Variants in IQANK1 observed in about 807,000 individuals in gnomAD.
IQANK1 encodes IQ motif and ankyrin repeat containing 1.
A neutral mutation model predicts 22.6 loss-of-function variants in IQANK1; 30 were observed. The observed-to-expected ratio is 1.33, with a 90% CI of 0.99 to 1.80. The LOEUF (loss-of-function observed/expected upper bound fraction) is 1.80, where lower values mean the gene tolerates loss of function less well. IQANK1 is among the 40% of genes most tolerant of loss of function. The pLI is 0.00. For synonymous variants in IQANK1, 122 were observed against 99.6 expected (o/e 1.23, Z -1.34); for missense variants, 275 against 235.2 (o/e 1.17, Z -1.11).
chr8:143,776,400 C>A (rs980375951), intron 7 of IQANK1, among the ~76,000 whole-genome samples: 1 of 151,094 alleles, frequency 6.6e-6, no homozygotes, highest in Non-Finnish European at 1.5e-5. Flanking sequence ...CCTCTCACTT[C>A]AAACAAGAAC....
intron 3 of IQANK1, among the ~76,000 whole-genome samples, chr8:143,755,025 C>G (rs782027538): frequency 1.1e-4 from 16 of 152,234 alleles, no homozygotes; most frequent in Non-Finnish European, 2.1e-4. Flanking sequence ...CAGGTCCCAC[C>G]CACACTCAAG....
intron 7 of IQANK1, among the ~76,000 whole-genome samples, chr8:143,782,783 TTTC>T (rs1819820724): frequency 1.3e-5 from 2 of 152,216 alleles, no homozygotes; most frequent in African/African-American, 4.8e-5. Context: ...GCCTCTTGCT[TTTC>T]TTTATTCCAT....
At chr8:143,788,421 C>G (rs1203477911) in intron 7 of IQANK1, among the ~76,000 whole-genome samples, 1 of 152,206 alleles carries the variant, frequency 6.6e-6, no homozygotes, top group Non-Finnish European at 1.5e-5. Context: ...TCCTGGAGTG[C>G]TGGGGACTCA....
chr8:143,761,186 G>C (rs1554628859), intron 3 of IQANK1, among the ~76,000 whole-genome samples: 1 of 152,210 alleles, frequency 6.6e-6, no homozygotes, highest in African/African-American at 2.4e-5. Flanking sequence ...GGGACCCGGA[G>C]CATCTCCCGC....
chr8:143,738,582 C>T (rs113222684), intron 2 of IQANK1, among the ~76,000 whole-genome samples: 17 of 152,242 alleles, frequency 1.1e-4, no homozygotes, highest in Admixed American at 3.3e-4. Context: ...CGGGCCCTGC[C>T]GGCGAGACTG....
At chr8:143,751,117 T>TA (rs1187405492) in intron 3 of IQANK1, among the ~76,000 whole-genome samples, 3 of 152,148 alleles carry the variant, frequency 2.0e-5, no homozygotes, top group Admixed American at 6.6e-5. Context: ...TTCAACGACA[T>TA]AAAAAACTCT....
chr8:143,746,673 A>G (rs960157011), intron 3 of IQANK1, among the ~76,000 whole-genome samples: 5 of 152,130 alleles, frequency 3.3e-5, no homozygotes, highest in African/African-American at 9.7e-5. Context: ...GTGAGCCACC[A>G]TGCCCAGGCT....
At chr8:143,748,906 CAT>C (rs1355578016) in intron 3 of IQANK1, among the ~76,000 whole-genome samples, 22 of 32,728 alleles carry the variant, frequency 6.7e-4, no homozygotes, top group African/African-American at 1.3e-3. Context: ...TAAAAATATA[CAT>C]ATATATCTAT....
Position 143,789,856 on chromosome 8 carries a change from G to A in IQANK1, c.1182G>A (p.Glu394=), listed in dbSNP as rs1819987252. The change falls in exon 11 of 14, where the codon GAG becomes GAA. Residue 394 remains glutamate (E), a synonymous_variant. Coordinates refer to ENST00000527139, the MANE Select transcript of IQANK1 (RefSeq NM_001381874.1). The stretch of plus-strand genomic sequence containing the variant: ...CTATGGCCAGGCTGGAGCTTCGGGA[G>A]CAGACGCAGGAGGGTGGGCCTGGCA... ...ALAMARLELR[E]QTQEGEEEAP... 4 of 1,232,130 alleles carry A rather than the reference G, an allele frequency of 3.2e-6. No homozygotes were observed. Among genetic ancestry groups the A allele is most frequent in the African/African-American group, 1.5e-5 (1 of 64,564 alleles). 76.3% of individuals were successfully genotyped at this position (1,232,130 alleles called of 1,614,324 possible). A position where few individuals can be genotyped will look rare whatever the true frequency, so the allele number is the denominator to read the frequency against.
intron 2 of IQANK1, among the ~76,000 whole-genome samples, chr8:143,736,389 C>T (rs1482141667): frequency 6.6e-6 from 1 of 152,122 alleles, no homozygotes. Flanking sequence ...AGGTGATCCG[C>T]CCGCCTCGGC....
chr8:143,738,216 G>C (rs782547896), intron 2 of IQANK1, among the ~76,000 whole-genome samples: 1 of 152,188 alleles, frequency 6.6e-6, no homozygotes, highest in African/African-American at 2.4e-5. Context: ...TTGCGAACTC[G>C]ACTTCGTTTC....
chr8:143,777,714 G>A (rs191105675), intron 7 of IQANK1, among the ~76,000 whole-genome samples: 30 of 152,046 alleles, frequency 2.0e-4, no homozygotes, highest in South Asian at 1.2e-3. Context: ...TATCAAAAGA[G>A]TTGGAGCTAA....
chr8:143,741,938 G>A (rs1428899706), intron 3 of IQANK1: 1 of 215,494 alleles, frequency 4.6e-6, no homozygotes, highest in Non-Finnish European at 9.6e-6. Context: ...GATCCATCTT[G>A]GAAAATGAGC....
At position 143,734,193 on chromosome 8, in the gene IQANK1, C is replaced by A. The variant is rs1818654248; in HGVS notation, c.-31C>A. Reference sequence around the variant, plus strand: ...CAGGGGCGGAGCTCTGGCCTCCTCGCCGAGTTGGGGGAGGCAGGTGCGACA... The same window carrying A: ...CAGGGGCGGAGCTCTGGCCTCCTCGACGAGTTGGGGGAGGCAGGTGCGACA... On this transcript the variant is annotated 5_prime_UTR_variant, in exon 1 of 14. Transcript: ENST00000527139. 6.6e-6 allele frequency: 1 copy of A among 152,128 alleles called. No individual in the cohort carries two copies. Among genetic ancestry groups the A allele is most frequent in the South Asian group, 2.1e-4 (1 of 4,836 alleles). The allele number at this position is 152,128 out of a possible 1,614,324, so 9.4% of individuals were successfully genotyped here.
At chr8:143,782,361 T>C (rs1819810617) in intron 7 of IQANK1, among the ~76,000 whole-genome samples, 1 of 152,234 alleles carries the variant, frequency 6.6e-6, no homozygotes, top group African/African-American at 2.4e-5. Flanking sequence ...ATAGGAGTGA[T>C]GGGAGAGAGC....
chr8:143,787,064 C>T (rs1182410239), intron 7 of IQANK1, among the ~76,000 whole-genome samples: 3 of 152,158 alleles, frequency 2.0e-5, no homozygotes, highest in South Asian at 2.1e-4. Flanking sequence ...CAGGATGGGG[C>T]ACCAGGGAGC....
At chr8:143,772,540 C>T (rs1819601504) in intron 7 of IQANK1, 58 bp downstream of exon 7, 2 of 398,216 alleles carry the variant, frequency 5.0e-6, no homozygotes, top group Admixed American at 4.4e-5. Flanking sequence ...GTGTGGGCCT[C>T]GGGAGGTGTG....
intron 3 of IQANK1, chr8:143,759,126 C>A: frequency 3.2e-6 from 1 of 310,960 alleles, no homozygotes; most frequent in South Asian, 3.5e-5. Context: ...GGTTCTGGAA[C>A]ACCACGATGC....
chr8:143,788,879 C>G (rs554209900), intron 7 of IQANK1, 36 bp from the exon 8 acceptor site: 2 of 398,932 alleles, frequency 5.0e-6, no homozygotes, highest in South Asian at 2.5e-4. Flanking sequence ...ACTCGGAACA[C>G]GCACTGAGGG....
Sources: allele counts gnomAD v4.1 joint callset (sites outside exome capture counted in the v4.1 genomes callset), GRCh38; gene constraint gnomAD v4.1.1; transcripts MANE v1.5; gene names NCBI Gene and HGNC (gene_info 2026-07-23, HGNC 2026-07-21).